Variants in ZFAND2A observed in about 807,000 individuals in gnomAD.
ZFAND2A encodes zinc finger AN1-type containing 2A.
ZFAND2A carries 20 observed loss-of-function variants against 11.6 expected under a neutral mutation model. The ratio of observed to expected loss-of-function variants is 1.72; its 90% CI spans 1.21 to 2.50. The LOEUF (loss-of-function observed/expected upper bound fraction) is 2.50, where lower values mean the gene tolerates loss of function less well. ZFAND2A is among the 30% of genes most tolerant of loss of function. ZFAND2A has a pLI of 0.00. For synonymous variants in ZFAND2A, 93 were observed against 60.6 expected (o/e 1.54, Z -2.48); for missense variants, 234 against 182.9 (o/e 1.28, Z -1.61).
At chr7:1,152,262 C>T (rs377419160), downstream of ZFAND2A, 15 of 1,577,036 alleles carry the variant, frequency 9.5e-6, no homozygotes, top group South Asian at 3.5e-5. Context: ...AACCAGTACC[C>T]GAGTCGCTGG....
chr7:1,149,279 G>A (rs55647957), downstream of ZFAND2A, among the ~76,000 whole-genome samples: 15,753 of 152,194 alleles, frequency 0.1, 1,365 homozygotes, highest in African/African-American at 0.24. Flanking sequence ...TAACCACACC[G>A]AACACTGTGC....
chr7:1,152,373 GC>G, downstream of ZFAND2A: 2 of 1,512,094 alleles, frequency 1.3e-6, no homozygotes, highest in Non-Finnish European at 1.8e-6. Context: ...GATCAGCTCA[GC>G]CTCCATGTGC....
downstream of ZFAND2A, among the ~76,000 whole-genome samples, chr7:1,150,532 T>G (rs1281779555): frequency 1.3e-5 from 2 of 152,202 alleles, no homozygotes; most frequent in South Asian, 2.1e-4. Flanking sequence ...CACCAGTATT[T>G]ACGTTACCCG....
At chr7:1,153,899 C>T (rs1194966408) in intron 4 of ZFAND2A, among the ~76,000 whole-genome samples, 5 of 152,086 alleles carry the variant, frequency 3.3e-5, no homozygotes, top group Non-Finnish European at 7.4e-5. Context: ...TGAGATTGTG[C>T]CACTGCACTC....
chr7:1,149,673 T>C (rs534518143), downstream of ZFAND2A, among the ~76,000 whole-genome samples: 13 of 152,282 alleles, frequency 8.5e-5, no homozygotes, highest in East Asian at 2.3e-3. Flanking sequence ...CTGTAGGGCA[T>C]AGCCTGTGGC....
In ZFAND2A at chr7:1,157,638, G is replaced by C; in HGVS notation, c.150+18C>G. Reference sequence around the variant, plus strand: ...CAGACGGTGAAGATGAGAATCTTTTGAACAAAGGATCAATTACCTTCTGGA... The same window carrying C: ...CAGACGGTGAAGATGAGAATCTTTTCAACAAAGGATCAATTACCTTCTGGA... On this transcript the variant is annotated intron_variant, in intron 3 of 4. Coordinates refer to ENST00000316495, the MANE Select transcript of ZFAND2A (RefSeq NM_182491.4). The C allele has an allele frequency of 6.4e-7, 1 of 1,574,192 alleles. No homozygotes were observed. Among genetic ancestry groups the C allele is most frequent in the Non-Finnish European group, 8.6e-7 (1 of 1,164,230 alleles).
At chr7:1,151,973 A>G, downstream of ZFAND2A, 5 of 335,316 alleles carry the variant, frequency 1.5e-5, no homozygotes, top group Non-Finnish European at 2.7e-5. Flanking sequence ...GTTTGTCTTG[A>G]TGATGCAGGA....
chr7:1,158,055 A>C, intron 2 of ZFAND2A, 103 bp downstream of exon 2: 4 of 1,159,568 alleles, frequency 3.4e-6, no homozygotes, highest in Non-Finnish European at 5.1e-6. Context: ...CCCAATACTG[A>C]GGAGCCAGGA....
At chr7:1,150,886 C>T (rs77993551), downstream of ZFAND2A, among the ~76,000 whole-genome samples, 14 of 127,598 alleles carry the variant, frequency 1.1e-4, no homozygotes, top group East Asian at 5.7e-4. Flanking sequence ...GACAACTGTG[C>T]CTTTTTTTTT....
chr7:1,152,834 G>A (rs983096646), downstream of ZFAND2A: 29 of 670,710 alleles, frequency 4.3e-5, 1 homozygote, highest in Admixed American at 6.9e-5. Flanking sequence ...TGAAAGAACC[G>A]ATTTCTATGG....
chr7:1,155,249 T>TG (rs1473989850), intron 4 of ZFAND2A, among the ~76,000 whole-genome samples: 3 of 152,182 alleles, frequency 2.0e-5, no homozygotes, highest in Non-Finnish European at 4.4e-5. Flanking sequence ...GAACCTGACC[T>TG]GGGATCCCTC....
chr7:1,151,762 T>TAAAAAAAAAAAAAAAAAAAAAAAA (rs530920394), downstream of ZFAND2A, among the ~76,000 whole-genome samples: 14 of 87,170 alleles, frequency 1.6e-4, 1 homozygote, highest in Middle Eastern at 0.013. Flanking sequence ...TCATCCCTTT[T>TAAAAAAAAAAAAAAAAAAAAAAAA]AAAAAAAAAA....
At chr7:1,159,543 G>A (rs960365583) in intron 1 of ZFAND2A, among the ~76,000 whole-genome samples, 1 of 88,100 alleles carries the variant, frequency 1.1e-5, no homozygotes, top group Non-Finnish European at 2.3e-5. Context: ...GCCAGACCCC[G>A]GCAGGCCCGG....
intron 1 of ZFAND2A, among the ~76,000 whole-genome samples, chr7:1,159,300 C>A (rs1430057878): frequency 6.6e-6 from 1 of 152,224 alleles, no homozygotes; most frequent in Non-Finnish European, 1.5e-5. Flanking sequence ...CGCACAGCAC[C>A]CGTCCTAGGA....
At chr7:1,158,689 CTCTT>C (rs146691658) in intron 1 of ZFAND2A, among the ~76,000 whole-genome samples, 28,336 of 152,180 alleles carry the variant, frequency 0.19, 2,922 homozygotes, top group Non-Finnish European at 0.23. Context: ...CCTCGCCTCT[CTCTT>C]CAACTCCCTT....
chr7:1,157,827 C>T (rs111368240), intron 2 of ZFAND2A, 77 bp from the exon 3 acceptor site: 1 of 1,155,746 alleles, frequency 8.7e-7, no homozygotes. Context: ...AAGTGTTTAC[C>T]TACACTAAGT....
At chr7:1,149,023 T>C (rs564444171), downstream of ZFAND2A, among the ~76,000 whole-genome samples, 1 of 151,886 alleles carries the variant, frequency 6.6e-6, no homozygotes, top group Non-Finnish European at 1.5e-5. Context: ...ATCTCAAACA[T>C]CTGGGCTCAA....
At chr7:1,152,722 A>G (rs938922364), downstream of ZFAND2A, among the ~76,000 whole-genome samples, 20 of 152,062 alleles carry the variant, frequency 1.3e-4, 1 homozygote, top group African/African-American at 2.4e-5. Context: ...TGCATTGACG[A>G]GCCCCGAGAT....
downstream of ZFAND2A, chr7:1,152,322 CAG>C: frequency 4.4e-6 from 7 of 1,578,390 alleles, no homozygotes; most frequent in Non-Finnish European, 6.0e-6. Flanking sequence ...GGCCTGGATT[CAG>C]AGACTGTCAT....
Sources: allele counts gnomAD v4.1 joint callset (sites outside exome capture counted in the v4.1 genomes callset), GRCh38; gene constraint gnomAD v4.1.1; transcripts MANE v1.5; gene names NCBI Gene and HGNC (gene_info 2026-07-23, HGNC 2026-07-21).